PCGF2: variants seen among roughly 807,000 people sequenced by gnomAD.
PCGF2 encodes the protein polycomb group RING finger protein 2.
Under a neutral mutation model 36.1 loss-of-function variants are expected in PCGF2, and 8 were observed. That is an observed-to-expected ratio of 0.22 (90% CI 0.13 to 0.40). The LOEUF is 0.40. Ranked by LOEUF, PCGF2 falls within the 10% of genes least tolerant of loss-of-function variation. The probability of loss-of-function intolerance (pLI) is 1.00; values close to 1 mark genes in which losing one functional copy is unlikely to be tolerated. For missense variants in PCGF2, 436 were observed against 475.9 expected (o/e 0.92, Z 0.78); for synonymous variants, 198 against 191.2 (o/e 1.04, Z -0.29).
chr17:38,745,308 G>A (rs922271488), intron 2 of PCGF2, among the ~76,000 whole-genome samples: 1 of 152,156 alleles, frequency 6.6e-6, no homozygotes, highest in African/African-American at 2.4e-5. Context: ...CTCCAGCCTG[G>A]GCAACAGAGC....
chr17:38,743,041 G>A (rs1907303513), intron 2 of PCGF2, among the ~76,000 whole-genome samples: 1 of 150,712 alleles, frequency 6.6e-6, no homozygotes, highest in East Asian at 1.9e-4. Context: ...TTCACATCGT[G>A]CCCGAGCCAC....
Position 38,734,267 on chromosome 17 carries a change from G to A in PCGF2, c.*956C>T, listed in dbSNP as rs569248571. On this transcript the variant is annotated 3_prime_UTR_variant, in exon 11 of 11. Transcript: ENST00000620225. ...ACCGGGCCTCAGCTGGGGGTGGAGG[G>A]GCAATTGGAAGGCTGTTTGCCTCTG... The A allele has an allele frequency of 3.3e-5, 5 of 152,830 alleles. No homozygotes were observed. Among genetic ancestry groups the A allele is most frequent in the African/African-American group, 1.2e-4 (5 of 41,514 alleles). The allele number at this position is 152,830 out of a possible 1,614,324, so 9.5% of individuals were successfully genotyped here. A position where few individuals can be genotyped will look rare whatever the true frequency, so the allele number is the denominator to read the frequency against.
chr17:38,746,098 T>C (rs554027560), intron 2 of PCGF2, among the ~76,000 whole-genome samples: 2 of 152,012 alleles, frequency 1.3e-5, no homozygotes, highest in Non-Finnish European at 2.9e-5. Flanking sequence ...AAAGATCTGC[T>C]CCCCTGTCCC....
intron 6 of PCGF2, 27 bp from the exon 7 acceptor site, chr17:38,738,888 G>C (rs754208530): frequency 3.1e-6 from 5 of 1,596,214 alleles, no homozygotes; most frequent in Non-Finnish European, 8.6e-7. Context: ...CTCTCGGGTT[G>C]GCGGAGGATG....
At chr17:38,744,987 G>A (rs966247419) in intron 2 of PCGF2, among the ~76,000 whole-genome samples, 1 of 152,184 alleles carries the variant, frequency 6.6e-6, no homozygotes, top group Non-Finnish European at 1.5e-5. Context: ...GGCCAAGGCG[G>A]ATGGATCATG....
chr17:38,738,795 T>A lies in PCGF2; in HGVS notation c.383A>T (p.Asp128Val). 1.2e-6 allele frequency: 2 copies of A among 1,614,086 alleles called. No individual in the cohort carries two copies. Among genetic ancestry groups the A allele is most frequent in the Non-Finnish European group, 1.7e-6 (2 of 1,179,972 alleles). Reference sequence around the variant, plus strand: ...TTCGATGGAGAGGCTGACAATCTCATCATCACTCAGAGCCCCCTTCTCCTG... The same window carrying A: ...TTCGATGGAGAGGCTGACAATCTCAACATCACTCAGAGCCCCCTTCTCCTG... ...LEQEKGALSD[D>V]EIVSLSIEFY... The change falls in exon 7 of 11, where the codon GAT (aspartate) becomes GTT (valine). Residue 128 changes from aspartate (D) to valine (V), a missense_variant. Asp to Val is a radical substitution (Grantham distance 152, BLOSUM62 -3). This residue lies in a region of PCGF2 where 189 missense variants were observed against 219.3 expected (regional missense o/e 0.86). Transcript: ENST00000620225.
intron 2 of PCGF2, among the ~76,000 whole-genome samples, chr17:38,745,931 A>G (rs1451195182): frequency 2.6e-5 from 4 of 152,216 alleles, no homozygotes; most frequent in African/African-American, 9.6e-5. Flanking sequence ...GCCAGAGTAC[A>G]GCATCAAGAC....
At position 38,736,091 on chromosome 17, in the gene PCGF2, C is replaced by T. The variant is rs755511901; in HGVS notation, c.656G>A (p.Arg219Gln). ...MDIAYIYPWRRNGPLPLKYRV... is the reference protein window; with the variant it reads ...MDIAYIYPWRQNGPLPLKYRV... ...TGCCCGCCCCACTCGCTGGCTCACCCGCCGCCAGGGGTAGATGTAGGCGAT... is the reference window on the plus strand; with the variant it reads ...TGCCCGCCCCACTCGCTGGCTCACCTGCCGCCAGGGGTAGATGTAGGCGAT... The change falls in exon 10 of 11, where the codon CGG becomes CAG. Residue 219 changes from arginine (R) to glutamine (Q), a missense_variant and splice_region_variant. Arg to Gln is a conservative substitution (Grantham distance 43, BLOSUM62 1). Coordinates refer to ENST00000620225, the MANE Select transcript of PCGF2 (RefSeq NM_007144.3). The T allele has an allele frequency of 5.7e-6, 9 of 1,571,796 alleles. No homozygotes were observed. The highest frequency in any genetic ancestry group is 2.7e-5 in the African/African-American group (2 of 74,216).
rs750723459 is a variant in PCGF2, at chr17:38,738,628, CCCAGGAAGAA to C, written c.426-43_426-34del. 3.2e-6 allele frequency: 5 copies of C among 1,564,450 alleles called. No individual in the cohort carries two copies. The African/African-American group carries it at 6.8e-5, about 21-fold the overall frequency. ...CGGAGAAAGAATGAAGCTAGGAAGA[CCCAGGAAGAA>C]CCAGGAGACCCAGGAGGATGATCCC... On this transcript the variant is annotated intron_variant, in intron 7 of 10. Coordinates refer to ENST00000620225, the MANE Select transcript of PCGF2 (RefSeq NM_007144.3).
chr17:38,740,822 TC>T (rs764088749), intron 2 of PCGF2, among the ~76,000 whole-genome samples: 7 of 151,578 alleles, frequency 4.6e-5, no homozygotes, highest in Non-Finnish European at 1.0e-4. Context: ...ACTCCACACC[TC>T]CCCCCACCAG....
chr17:38,744,799 T>C (rs1197367737), intron 2 of PCGF2, among the ~76,000 whole-genome samples: 4 of 152,110 alleles, frequency 2.6e-5, no homozygotes, highest in African/African-American at 9.7e-5. Flanking sequence ...CTCTCTCTGC[T>C]CTCCCTGCCT....
Position 38,738,373 on chromosome 17 carries a change from C to T in PCGF2, c.556G>A (p.Asp186Asn). The part of the protein sequence containing the change: ...HLAKFLRNKM[D>N]VPSKYKVEVL... The stretch of plus-strand genomic sequence containing the variant: ...CCCACCTTGTACTTGCTGGGCACAT[C>T]CATCTTGTTGCGGAGAAACTTGGCA... The change falls in exon 9 of 11, where the codon GAT (aspartate) becomes AAT (asparagine). Residue 186 changes from aspartate to asparagine, a missense_variant. Transcript: ENST00000620225. 6.2e-7 allele frequency: 1 copy of T among 1,614,098 alleles called. No individual in the cohort carries two copies. The highest frequency in any genetic ancestry group is 8.5e-7 in the Non-Finnish European group (1 of 1,179,962).
intron 2 of PCGF2, among the ~76,000 whole-genome samples, chr17:38,743,470 C>T (rs983232163): frequency 2.6e-5 from 4 of 152,092 alleles, no homozygotes; most frequent in Non-Finnish European, 2.9e-5. Flanking sequence ...GTCACTTCCC[C>T]GAGCATTTCT....
intron 2 of PCGF2, among the ~76,000 whole-genome samples, chr17:38,747,227 C>T (rs892149263): frequency 1.3e-5 from 2 of 152,210 alleles, no homozygotes; most frequent in Admixed American, 6.5e-5. Flanking sequence ...CCGGGCCCAC[C>T]GTGGAGACAG....
intron 10 of PCGF2, 36 bp from the exon 11 acceptor site, chr17:38,735,636 G>A: frequency 6.6e-7 from 1 of 1,514,442 alleles, no homozygotes; most frequent in Non-Finnish European, 8.9e-7. Flanking sequence ...CACAGGGAAG[G>A]GGAAGGTATC....
chr17:38,739,499 T>G lies in PCGF2; in HGVS notation c.209+87A>C. The G allele has an allele frequency of 8.8e-7, 1 of 1,135,272 alleles. No homozygotes were observed. The highest frequency in any genetic ancestry group is 1.3e-6 in the Non-Finnish European group (1 of 745,070). 70.3% of individuals were successfully genotyped at this position (1,135,272 alleles called of 1,614,324 possible). On this transcript the variant is annotated intron_variant, in intron 4 of 10. Transcript: ENST00000620225. The surrounding 1 kb of genome is among the most constrained non-coding windows in gnomAD (Gnocchi z 4.0). Reference sequence around the variant, plus strand: ...CCATGCTTCTCCTACACCTGCCGCCTTGGCTGAAGGAAGCACGGAGCGTGG... The same window carrying G: ...CCATGCTTCTCCTACACCTGCCGCCGTGGCTGAAGGAAGCACGGAGCGTGG...
chr17:38,746,264 C>T (rs1324287612), intron 2 of PCGF2, among the ~76,000 whole-genome samples: 2 of 151,928 alleles, frequency 1.3e-5, no homozygotes, highest in South Asian at 2.1e-4. Context: ...CACCCCCCTC[C>T]ACCTCTCACA....
At position 38,738,598 on chromosome 17, in the gene PCGF2, G is replaced by A. The variant is rs1238363310; in HGVS notation, c.426-3C>T. On this transcript the variant is annotated splice_polypyrimidine_tract_variant and splice_region_variant and intron_variant, in intron 7 of 10. Transcript: ENST00000620225. ...GGCCCTTCTTCTCGTCCCGGTCCCT[G>A]GGGACGGAGAAAGAATGAAGCTAGG... is the stretch of plus-strand genomic sequence containing the variant. The A allele has an allele frequency of 1.3e-6, 2 of 1,569,402 alleles. No individual in the cohort carries two copies. The highest frequency in any genetic ancestry group is 1.4e-5 in the African/African-American group (1 of 73,344).
Position 38,747,198 on chromosome 17 carries a change from G to C in PCGF2, c.-41+681C>G, listed in dbSNP as rs571075441. 1.3e-3 allele frequency among the ~76,000 whole-genome samples: 194 copies of C among 152,252 alleles called. 1 individual carries two copies. Among genetic ancestry groups the C allele is most frequent in the African/African-American group, 4.3e-3 (180 of 41,554 alleles). On this transcript the variant is annotated intron_variant, in intron 2 of 10. Coordinates refer to ENST00000620225, the MANE Select transcript of PCGF2 (RefSeq NM_007144.3). ...CGATTATGGGCAGACAGGGGCAGTG[G>C]GGGAGGGCGAGGGGCAGCCCGGGCC...
Sources: allele counts gnomAD v4.1 joint callset (sites outside exome capture counted in the v4.1 genomes callset), GRCh38; gene constraint gnomAD v4.1.1; regional missense constraint gnomAD v4.1.1; non-coding constraint Gnocchi (gnomAD v3.1); transcripts MANE v1.5; gene names NCBI Gene and HGNC (gene_info 2026-07-23, HGNC 2026-07-21).